The following CDRT4 variants were observed in gnomAD, a reference collection of about 807,000 sequenced individuals.
The protein encoded by CDRT4 is CMT1A duplicated region transcript 4 protein.
For missense variants in CDRT4, 167 were observed against 193.1 expected (o/e 0.87, Z 0.80); for synonymous variants, 64 against 69.6 (o/e 0.92, Z 0.40).
chr17:15,454,697 A>C (rs998370968), intron 1 of CDRT4, among the ~76,000 whole-genome samples: 1 of 152,208 alleles, frequency 6.6e-6, no homozygotes, highest in Admixed American at 6.5e-5. Context: ...AGTAATCTGG[A>C]GACTTAGATC....
At position 15,461,840 on chromosome 17, in the gene CDRT4, T is replaced by C. The variant is rs894140691; in HGVS notation, c.-130+5620A>G. ...GAGGAGCTGGAACCTAGGTTTCATT[T>C]TGAATAATAAGTAGGCATTACTGAA... On this transcript the variant is annotated intron_variant, in intron 1 of 3. Coordinates refer to ENST00000619038, the MANE Select transcript of CDRT4 (RefSeq NM_001204477.2). 2.0e-5 allele frequency among the ~76,000 whole-genome samples: 3 copies of C among 152,182 alleles called. No individual in the cohort carries two copies. In the South Asian group the frequency reaches 6.2e-4, roughly 32 times the overall value.
intron 1 of CDRT4, among the ~76,000 whole-genome samples, chr17:15,463,974 G>A (rs780214619): frequency 2.6e-5 from 4 of 152,166 alleles, no homozygotes; most frequent in Non-Finnish European, 4.4e-5. Context: ...AGCCGGCAAA[G>A]TGATATTCAA....
intron 1 of CDRT4, among the ~76,000 whole-genome samples, chr17:15,458,849 G>A (rs972286685): frequency 9.2e-5 from 14 of 152,136 alleles, no homozygotes; most frequent in African/African-American, 3.4e-4. Context: ...CAACACCAGG[G>A]AGTTTGTTGG....
rs537174821 is a variant in CDRT4 at position 15,464,661 on chromosome 17, C to G, written c.-130+2799G>C. On this transcript the variant is annotated intron_variant, in intron 1 of 3. Coordinates refer to ENST00000619038, the MANE Select transcript of CDRT4 (RefSeq NM_001204477.2). The surrounding 1 kb of genome is among the most constrained non-coding windows in gnomAD (Gnocchi z 4.5). ...TTTCCAAATGTCCCTCCTTATGCAC[C>G]CTTCCCCTTCTGCTTTCAAACCTTG... 6.6e-6 allele frequency among the ~76,000 whole-genome samples: 1 copy of G among 152,180 alleles called. No individual in the cohort carries two copies. Among genetic ancestry groups the G allele is most frequent in the Non-Finnish European group, 1.5e-5 (1 of 68,008 alleles).
rs1978587811 is a variant in CDRT4, at chr17:15,438,146, C to G, written c.86G>C (p.Trp29Ser). ...PRKLLEKHDP[W>S]PAYVTYTSQT... ...AGAGGTATAGGTGACATAGGCCGGC[C>G]AGGGGTCATGTTTTTCAAGTAGCTT... The change falls in exon 4 of 4, where the codon TGG becomes TCG. Residue 29 changes from tryptophan to serine, a missense_variant. Physicochemically the swap from Trp to Ser is radical, Grantham distance 177. Transcript: ENST00000619038. 1.2e-6 allele frequency: 2 copies of G among 1,613,960 alleles called. No homozygotes were observed. The highest frequency in any genetic ancestry group is 2.2e-5 in the South Asian group (2 of 91,080).
At chr17:15,462,344 C>T (rs747788764) in intron 1 of CDRT4, among the ~76,000 whole-genome samples, 3 of 142,668 alleles carry the variant, frequency 2.1e-5, no homozygotes, top group Non-Finnish European at 3.0e-5. Context: ...AGGAGAATGG[C>T]GTTAACCCAG....
At chr17:15,443,997 A>G in intron 2 of CDRT4, 1 of 749,848 alleles carries the variant, frequency 1.3e-6, no homozygotes, top group Non-Finnish European at 2.3e-6. Flanking sequence ...ATACATCCAC[A>G]GGGTTTGGAT....
At chr17:15,461,182 C>G (rs373487768) in intron 1 of CDRT4, among the ~76,000 whole-genome samples, 1 of 152,202 alleles carries the variant, frequency 6.6e-6, no homozygotes, top group Non-Finnish European at 1.5e-5. Context: ...TCTGCCTGCC[C>G]TCTTAGAACT....
At chr17:15,467,125 C>T (rs1323507469) in intron 1 of CDRT4, among the ~76,000 whole-genome samples, 2 of 152,098 alleles carry the variant, frequency 1.3e-5, no homozygotes, top group Non-Finnish European at 2.9e-5. Flanking sequence ...GAGTGGTCAG[C>T]CCTGAGTGTA....
chr17:15,454,807 C>T lies in CDRT4; in HGVS notation c.-129-1722G>A, dbSNP rs375561712. On this transcript the variant is annotated intron_variant, in intron 1 of 3. Coordinates refer to ENST00000619038, the MANE Select transcript of CDRT4 (RefSeq NM_001204477.2). ...TCACCTCGGTATGTCCCATCTTGAG[C>T]AAGTTCCTTAGTCTTTCTGAAGCTC... Among the ~76,000 whole-genome samples the T allele has an allele frequency of 2.0e-5, 3 of 152,152 alleles. No homozygotes were observed. The East Asian group carries it at 5.8e-4, about 29-fold the overall frequency.
At position 15,464,846 on chromosome 17, in the gene CDRT4, G is replaced by A. The variant is rs1299645819; in HGVS notation, c.-130+2614C>T. On this transcript the variant is annotated intron_variant, in intron 1 of 3. Transcript: ENST00000619038. The surrounding 1 kb of genome is among the most constrained non-coding windows in gnomAD (Gnocchi z 4.5). ...TGGCATCCACACTCGCAGCTCTGCT[G>A]ACAGCCAGCACAGAAAGGAACCAGC... Among the ~76,000 whole-genome samples the A allele has an allele frequency of 6.6e-6, 1 of 152,090 alleles. No homozygotes were observed. Among genetic ancestry groups the A allele is most frequent in the African/African-American group, 2.4e-5 (1 of 41,398 alleles).
intron 2 of CDRT4, among the ~76,000 whole-genome samples, chr17:15,447,736 T>C (rs571042192): frequency 6.6e-6 from 1 of 152,350 alleles, no homozygotes; most frequent in South Asian, 2.1e-4. Flanking sequence ...TATTGATCTA[T>C]TATCTACAGA....
chr17:15,456,500 C>T (rs1043998501), intron 1 of CDRT4, among the ~76,000 whole-genome samples: 2 of 152,030 alleles, frequency 1.3e-5, no homozygotes, highest in Non-Finnish European at 2.9e-5. Flanking sequence ...AACCCTACTA[C>T]ATAAACACTG....
At chr17:15,444,096 C>T (rs559997588) in intron 2 of CDRT4, 59 of 1,228,382 alleles carry the variant, frequency 4.8e-5, no homozygotes, top group Non-Finnish European at 6.7e-5. Flanking sequence ...GACTTTGATT[C>T]AGCAAGCCAC....
intron 2 of CDRT4, chr17:15,443,537 C>T (rs145994354): frequency 8.9e-4 from 184 of 207,252 alleles, no homozygotes; most frequent in African/African-American, 3.8e-3. Context: ...CCCACCTCTG[C>T]GTCCCAAAGT....
intron 2 of CDRT4, among the ~76,000 whole-genome samples, chr17:15,445,461 A>G (rs2052021): frequency 0.98 from 148,546 of 152,298 alleles, 72,547 homozygotes; most frequent in East Asian, 1. Context: ...CTCCAAAAGG[A>G]AGACTGAATA....
chr17:15,448,095 G>A (rs1979105740), intron 2 of CDRT4, among the ~76,000 whole-genome samples: 1 of 152,158 alleles, frequency 6.6e-6, no homozygotes, highest in Non-Finnish European at 1.5e-5. Flanking sequence ...TGTGAACCTG[G>A]AGAACACTTC....
chr17:15,438,590 T>C (rs185862475), intron 3 of CDRT4, among the ~76,000 whole-genome samples: 23 of 152,310 alleles, frequency 1.5e-4, no homozygotes, highest in African/African-American at 4.6e-4. Context: ...AAAGCATGGG[T>C]TCTGTACTTG....
In CDRT4 at chr17:15,437,036, A is replaced by G. The variant is rs1978523266; in HGVS notation, c.*737T>C. The G allele has an allele frequency of 6.6e-6, 1 of 152,216 alleles. No individual in the cohort carries two copies. The highest frequency in any genetic ancestry group is 1.5e-5 in the Non-Finnish European group (1 of 68,086). 9.4% of individuals were successfully genotyped at this position (152,216 alleles called of 1,614,324 possible). A position where few individuals can be genotyped will look rare whatever the true frequency, so the allele number is the denominator to read the frequency against. On this transcript the variant is annotated 3_prime_UTR_variant, in exon 4 of 4. Coordinates refer to ENST00000619038, the MANE Select transcript of CDRT4 (RefSeq NM_001204477.2). ...CCTTGCCAGACAGGTTGCTAACCCT[A>G]GCAGTGCTTTTTCTTCACCCAGGCA... is the stretch of plus-strand genomic sequence containing the variant.
Sources: gnomAD v4.1 joint callset for allele counts (sites outside exome capture counted in the v4.1 genomes callset) on GRCh38, gnomAD v4.1.1 for gene constraint, Gnocchi (gnomAD v3.1) non-coding constraint, MANE v1.5 for transcripts, NCBI Gene and HGNC (gene_info 2026-07-23, HGNC 2026-07-21) for gene names.